The following WWP2 variants were observed in gnomAD, a reference collection of about 807,000 sequenced individuals.
WWP2 encodes WW domain containing E3 ubiquitin protein ligase 2.
In WWP2, 57 loss-of-function variants were observed where a neutral mutation model predicts 121.0. That is an observed-to-expected ratio of 0.47 (90% confidence interval 0.38 to 0.59). The LOEUF (loss-of-function observed/expected upper bound fraction) is 0.59. Ranked by LOEUF, WWP2 falls within the 20% of genes least tolerant of loss-of-function variation. WWP2 has a pLI of 0.00. For missense variants in WWP2, 962 were observed against 1,158.9 expected (o/e 0.83, Z 2.47); for synonymous variants, 449 against 441.3 (o/e 1.02, Z -0.22).
chr16:69,824,396 G>A (rs2056646180), intron 4 of WWP2, among the ~76,000 whole-genome samples: 1 of 152,102 alleles, frequency 6.6e-6, no homozygotes, highest in South Asian at 2.1e-4. Context: ...CCACTATTAG[G>A]TACAGAGTGG....
intron 7 of WWP2, among the ~76,000 whole-genome samples, chr16:69,874,473 T>C (rs1408183225): frequency 6.6e-6 from 1 of 152,134 alleles, no homozygotes; most frequent in Non-Finnish European, 1.5e-5. Context: ...GCACTGCAGT[T>C]ATGCATGAAA....
At chr16:69,849,240 G>A (rs1212918981) in intron 6 of WWP2, among the ~76,000 whole-genome samples, 1 of 152,156 alleles carries the variant, frequency 6.6e-6, no homozygotes, top group Non-Finnish European at 1.5e-5. Context: ...GGGGTGGAGG[G>A]TGGATAGGAG....
At chr16:69,863,678 A>G (rs1280502192) in intron 6 of WWP2, among the ~76,000 whole-genome samples, 4 of 152,060 alleles carry the variant, frequency 2.6e-5, no homozygotes, top group South Asian at 2.1e-4. Flanking sequence ...AAAGATACAG[A>G]AAGTTTCATC....
chr16:69,922,334 C>T (rs142692434), intron 10 of WWP2, among the ~76,000 whole-genome samples: 2 of 151,802 alleles, frequency 1.3e-5, no homozygotes, highest in Non-Finnish European at 2.9e-5. Context: ...ATTTGCTAGA[C>T]ATTCTTTATT....
chr16:69,879,385 C>T (rs72785047), intron 7 of WWP2, among the ~76,000 whole-genome samples: 10,838 of 151,984 alleles, frequency 0.071, 434 homozygotes, highest in Middle Eastern at 0.12. Flanking sequence ...TTCCCCCCAA[C>T]CTGACCGGCC....
At chr16:69,789,406 A>G (rs1597668067) in intron 2 of WWP2, among the ~76,000 whole-genome samples, 1 of 151,948 alleles carries the variant, frequency 6.6e-6, no homozygotes, top group Non-Finnish European at 1.5e-5. Context: ...CTTTTTGTAT[A>G]TTTAGTAGAG....
At chr16:69,791,908 T>C (rs771293405) in intron 2 of WWP2, among the ~76,000 whole-genome samples, 3 of 151,896 alleles carry the variant, frequency 2.0e-5, no homozygotes, top group South Asian at 4.1e-4. Context: ...TTTGTTGCCT[T>C]TCTTGAAGGT....
At chr16:69,902,900 T>C (rs2058227443) in intron 8 of WWP2, among the ~76,000 whole-genome samples, 1 of 152,068 alleles carries the variant, frequency 6.6e-6, no homozygotes, top group Non-Finnish European at 1.5e-5. Context: ...GTGTGAATTA[T>C]GAATAGCCAT....
intron 4 of WWP2, among the ~76,000 whole-genome samples, chr16:69,825,908 G>A (rs2056679058): frequency 6.6e-6 from 1 of 152,102 alleles, no homozygotes; most frequent in Non-Finnish European, 1.5e-5. Flanking sequence ...ACAGACGTGA[G>A]CCACCACACC....
At chr16:69,849,889 C>T (rs1250674675) in intron 6 of WWP2, among the ~76,000 whole-genome samples, 1 of 151,974 alleles carries the variant, frequency 6.6e-6, no homozygotes, top group Admixed American at 6.6e-5. Context: ...ATACATGGTA[C>T]CTTATTATAC....
At chr16:69,903,620 T>C (rs555903727) in intron 8 of WWP2, among the ~76,000 whole-genome samples, 31 of 152,080 alleles carry the variant, frequency 2.0e-4, no homozygotes, top group African/African-American at 7.5e-4. Context: ...ACAAAAAAAT[T>C]AGCCAGGTGT....
chr16:69,912,057 A>C (rs1390893090), intron 9 of WWP2, among the ~76,000 whole-genome samples: 1 of 152,116 alleles, frequency 6.6e-6, no homozygotes, highest in Non-Finnish European at 1.5e-5. Flanking sequence ...TGGGAGGCCG[A>C]GGCAGGTGGA....
chr16:69,871,177 G>A (rs1241262981), intron 6 of WWP2, among the ~76,000 whole-genome samples: 2 of 152,138 alleles, frequency 1.3e-5, no homozygotes, highest in Non-Finnish European at 2.9e-5. Flanking sequence ...CCAGCTACTG[G>A]GGAGGCTGAG....
chr16:69,813,811 CA>C (rs1399541802), intron 4 of WWP2, among the ~76,000 whole-genome samples: 1 of 152,162 alleles, frequency 6.6e-6, no homozygotes, highest in Non-Finnish European at 1.5e-5. Flanking sequence ...CTGGCTTGGC[CA>C]GTGGCTGCCT....
intron 1 of WWP2, among the ~76,000 whole-genome samples, chr16:69,780,607 A>G (rs1346888624): frequency 1.3e-5 from 2 of 152,206 alleles, no homozygotes; most frequent in Admixed American, 1.3e-4. Flanking sequence ...TCTCTCCAAC[A>G]CTAATTGTCA....
intron 4 of WWP2, among the ~76,000 whole-genome samples, chr16:69,826,661 C>T (rs367725310): frequency 4.1e-5 from 6 of 146,586 alleles, no homozygotes; most frequent in African/African-American, 5.1e-5. Context: ...GGGTGGATCA[C>T]GAGGTCAGGA....
At chr16:69,829,604 A>T (rs984318190) in intron 4 of WWP2, among the ~76,000 whole-genome samples, 1 of 152,128 alleles carries the variant, frequency 6.6e-6, no homozygotes, top group Non-Finnish European at 1.5e-5. Context: ...TCTTCTTGAA[A>T]CTTAGATGAC....
At chr16:69,877,553 T>C (rs576406903) in intron 7 of WWP2, among the ~76,000 whole-genome samples, 1 of 152,278 alleles carries the variant, frequency 6.6e-6, no homozygotes, top group East Asian at 1.9e-4. Flanking sequence ...TTCAAGAACT[T>C]CTCCTTTGCA....
intron 7 of WWP2, among the ~76,000 whole-genome samples, chr16:69,878,833 A>G (rs981019230): frequency 7.9e-5 from 12 of 152,176 alleles, no homozygotes; most frequent in African/African-American, 2.9e-4. Context: ...TTGTTTCTTG[A>G]GTGAAATTCT....
Sources: allele counts gnomAD v4.1 joint callset (sites outside exome capture counted in the v4.1 genomes callset), GRCh38; gene constraint gnomAD v4.1.1; transcripts MANE v1.5; gene names NCBI Gene and HGNC (gene_info 2026-07-23, HGNC 2026-07-21).